CLINT1: variants seen among roughly 807,000 people sequenced by gnomAD.
The protein encoded by CLINT1 is clathrin interactor 1.
A neutral mutation model predicts 70.4 loss-of-function variants in CLINT1; 15 were observed. The observed-to-expected ratio is 0.21, with a 90% CI of 0.14 to 0.33. The LOEUF (loss-of-function observed/expected upper bound fraction) is 0.33, where lower values mean the gene tolerates loss of function less well. Ranked by LOEUF, CLINT1 falls within the 10% of genes least tolerant of loss-of-function variation. The probability of loss-of-function intolerance (pLI) is 1.00; values close to 1 mark genes in which losing one functional copy is unlikely to be tolerated. For synonymous variants in CLINT1, 227 were observed against 254.7 expected, an observed-to-expected ratio of 0.89 and a Z score of 1.04; for missense variants, 615 against 778.1, an observed-to-expected ratio of 0.79 and a Z score of 2.49.
chr5:157,854,427 A>T (rs1054930794), intron 1 of CLINT1, among the ~76,000 whole-genome samples: 14 of 152,164 alleles, frequency 9.2e-5, no homozygotes, highest in Non-Finnish European at 1.3e-4. Context: ...CCACAAAAAA[A>T]TTTTTTAAAA....
At chr5:157,848,448 A>G (rs1753456359) in intron 1 of CLINT1, among the ~76,000 whole-genome samples, 1 of 151,960 alleles carries the variant, frequency 6.6e-6, no homozygotes, top group Non-Finnish European at 1.5e-5. Flanking sequence ...TCTGTTGCCC[A>G]GGCTGGAGTG....
intron 1 of CLINT1, among the ~76,000 whole-genome samples, chr5:157,836,502 A>T (rs918155447): frequency 3.3e-5 from 5 of 152,210 alleles, no homozygotes; most frequent in African/African-American, 1.2e-4. Context: ...CACCAAGAGT[A>T]AGTTACATGG....
intron 8 of CLINT1, among the ~76,000 whole-genome samples, chr5:157,796,569 T>TA (rs1049400114): frequency 6.6e-6 from 1 of 152,186 alleles, no homozygotes; most frequent in African/African-American, 2.4e-5. Context: ...CCGCAGTGCT[T>TA]AGAAACTAGC....
At chr5:157,800,771 T>C (rs3777054) in intron 8 of CLINT1, among the ~76,000 whole-genome samples, 12,234 of 152,250 alleles carry the variant, frequency 0.08, 571 homozygotes, top group East Asian at 0.18. Flanking sequence ...CTGTTTGCAC[T>C]GGAGAAGACA....
intron 1 of CLINT1, among the ~76,000 whole-genome samples, chr5:157,833,914 C>G (rs1763329869): frequency 6.6e-6 from 1 of 152,044 alleles, no homozygotes; most frequent in South Asian, 2.1e-4. Context: ...TGCACTTCAG[C>G]CTGGGTGACA....
At chr5:157,806,443 A>G (rs1397649977) in intron 6 of CLINT1, among the ~76,000 whole-genome samples, 1 of 152,232 alleles carries the variant, frequency 6.6e-6, no homozygotes, top group Non-Finnish European at 1.5e-5. Context: ...ATAGGATTTG[A>G]TATCAGAATC....
At chr5:157,833,493 T>C (rs1763314059) in intron 1 of CLINT1, among the ~76,000 whole-genome samples, 6 of 152,200 alleles carry the variant, frequency 3.9e-5, no homozygotes, top group Admixed American at 3.9e-4. Flanking sequence ...ATTCTCTCTG[T>C]CCCTGCTCTC....
At chr5:157,856,983 C>T (rs767211428) in intron 1 of CLINT1, among the ~76,000 whole-genome samples, 8 of 152,148 alleles carry the variant, frequency 5.3e-5, no homozygotes, top group African/African-American at 7.2e-5. Flanking sequence ...TTCTGTCTTA[C>T]GAACAATGTA....
chr5:157,858,887 T>A (rs879252953), intron 1 of CLINT1, 43 bp downstream of exon 1: 3 of 230,452 alleles, frequency 1.3e-5, no homozygotes, highest in African/African-American at 8.6e-5. Flanking sequence ...CCCTCCCCCC[T>A]CCCCCACGTG....
chr5:157,844,865 A>G (rs1198065073), intron 1 of CLINT1, among the ~76,000 whole-genome samples: 1 of 152,248 alleles, frequency 6.6e-6, no homozygotes, highest in East Asian at 1.9e-4. Context: ...GCTTACAGAG[A>G]ACACCTTCAT....
chr5:157,794,354 GT>G (rs146407419), intron 9 of CLINT1, among the ~76,000 whole-genome samples: 1 of 151,924 alleles, frequency 6.6e-6, no homozygotes, highest in Non-Finnish European at 1.5e-5. Flanking sequence ...TGTTTGAATG[GT>G]TTTTTTGTTT....
intron 8 of CLINT1, among the ~76,000 whole-genome samples, chr5:157,797,311 CTTCA>C (rs1358217191): frequency 1.3e-5 from 2 of 152,102 alleles, no homozygotes; most frequent in African/African-American, 4.8e-5. Context: ...TTTTAATTTG[CTTCA>C]TTTAAGCAGT....
At chr5:157,792,088 T>TGGGG in intron 9 of CLINT1, 93 bp from the exon 10 acceptor site, 1 of 1,081,784 alleles carries the variant, frequency 9.2e-7, no homozygotes, top group Non-Finnish European at 1.3e-6. Context: ...AGAGCTGATC[T>TGGGG]GAGTCCCCCA....
intron 10 of CLINT1, among the ~76,000 whole-genome samples, chr5:157,791,122 G>C (rs1379601166): frequency 6.6e-6 from 1 of 151,870 alleles, no homozygotes; most frequent in Non-Finnish European, 1.5e-5. Flanking sequence ...GCAGTGGCGC[G>C]ATCTCAGCTC....
At position 157,853,039 on chromosome 5, in the gene CLINT1, G is replaced by A. The variant is rs528068862; in HGVS notation, c.41+5891C>T. Among the ~76,000 whole-genome samples the A allele has an allele frequency of 8.5e-5, 13 of 152,330 alleles. No individual in the cohort carries two copies. The South Asian group carries it at 1.9e-3, about 22-fold the overall frequency. On this transcript the variant is annotated intron_variant, in intron 1 of 11. Coordinates refer to ENST00000411809, the MANE Select transcript of CLINT1 (RefSeq NM_014666.4). ...TCATTAAAACAAACATTGGAAACAA[G>A]TAGGAAAATAATATAAGCATACAAA...
At chr5:157,844,979 G>T (rs2113311491) in intron 1 of CLINT1, among the ~76,000 whole-genome samples, 1 of 152,298 alleles carries the variant, frequency 6.6e-6, no homozygotes, top group South Asian at 2.1e-4. Flanking sequence ...ATTGCAAGAG[G>T]TCAGAAAAAA....
intron 2 of CLINT1, among the ~76,000 whole-genome samples, chr5:157,817,071 TAATA>T (rs1163266152): frequency 6.6e-6 from 1 of 152,146 alleles, no homozygotes; most frequent in Non-Finnish European, 1.5e-5. Flanking sequence ...TTAAATTAAT[TAATA>T]TACTTTGCAA....
At position 157,802,855 on chromosome 5, in the gene CLINT1, A is replaced by G. The variant is rs533417506; in HGVS notation, c.1012+795T>C. 7.9e-5 allele frequency among the ~76,000 whole-genome samples: 12 copies of G among 152,190 alleles called. No homozygotes were observed. The East Asian group carries it at 2.1e-3, about 27-fold the overall frequency. On this transcript the variant is annotated intron_variant, in intron 8 of 11. Coordinates refer to ENST00000411809, the MANE Select transcript of CLINT1 (RefSeq NM_014666.4). ...GCCACCACGCCCAGCCGCCCTCTTT[A>G]AATATGTTTGGTAGTTACATACTTT...
At chr5:157,805,689 G>C (rs987372381) in intron 7 of CLINT1, among the ~76,000 whole-genome samples, 177 bp downstream of exon 7, 3 of 152,082 alleles carry the variant, frequency 2.0e-5, no homozygotes, top group African/African-American at 7.2e-5. Flanking sequence ...TCAGCAATTG[G>C]ACAGGTTTCT....
Sources: allele counts gnomAD v4.1 joint callset (sites outside exome capture counted in the v4.1 genomes callset), GRCh38; gene constraint gnomAD v4.1.1; transcripts MANE v1.5; gene names NCBI Gene and HGNC (gene_info 2026-07-23, HGNC 2026-07-21).